GABRB1: variants seen among roughly 807,000 people sequenced by gnomAD.
GABRB1 encodes gamma-aminobutyric acid type A receptor subunit beta1.
GABRB1 carries 17 observed loss-of-function variants against 51.6 expected under a neutral mutation model. The ratio of observed to expected loss-of-function variants is 0.33; its 90% CI spans 0.23 to 0.49. The LOEUF (loss-of-function observed/expected upper bound fraction) is 0.49, where lower values mean the gene tolerates loss of function less well. Among genes scored for constraint, GABRB1 ranks in the 20% least tolerant of loss-of-function variants. The pLI is 0.99. For missense variants in GABRB1, 410 were observed against 600.6 expected, an observed-to-expected ratio of 0.68 and a Z score of 3.32; for synonymous variants, 247 against 218.9, an observed-to-expected ratio of 1.13 and a Z score of -1.14.
chr4:47,358,334 ATATATATGCATAT>A (rs1352087043), intron 5 of GABRB1, among the ~76,000 whole-genome samples: 1 of 151,840 alleles, frequency 6.6e-6, no homozygotes, highest in Non-Finnish European at 1.5e-5. Context: ...TATACATGCT[ATATATATGCATAT>A]TATATATGTG....
chr4:47,104,025 T>C (rs533232564), intron 3 of GABRB1, among the ~76,000 whole-genome samples: 241 of 152,016 alleles, frequency 1.6e-3, no homozygotes, highest in Non-Finnish European at 2.8e-3. Context: ...TCCAAGTTCC[T>C]GTCTGGTATC....
intron 5 of GABRB1, among the ~76,000 whole-genome samples, chr4:47,365,918 T>C (rs1228533817): frequency 6.6e-6 from 1 of 152,178 alleles, no homozygotes; most frequent in Non-Finnish European, 1.5e-5. Context: ...GTCCAGTTCT[T>C]ACCTTGTTGC....
At position 47,174,582 on chromosome 4, in the gene GABRB1, T is replaced by G. The variant is rs529861218; in HGVS notation, c.461+13113T>G. Among the ~76,000 whole-genome samples, 31 of 151,882 alleles carry G rather than the reference T, an allele frequency of 2.0e-4. No homozygotes were observed. In the South Asian group the frequency reaches 4.0e-3, roughly 19 times the overall value. The stretch of plus-strand genomic sequence containing the variant: ...TAGTCTGATCTCTTCAAAAATAGTT[T>G]AAAGATGGTCCCCAACTTATAATCA... On this transcript the variant is annotated intron_variant, in intron 4 of 8. Coordinates refer to ENST00000295454, the MANE Select transcript of GABRB1 (RefSeq NM_000812.4).
At chr4:47,055,443 G>A (rs1577865731) in intron 3 of GABRB1, among the ~76,000 whole-genome samples, 1 of 152,200 alleles carries the variant, frequency 6.6e-6, no homozygotes, top group Admixed American at 6.5e-5. Flanking sequence ...TTTTAGTGTA[G>A]AAGGCACTCA....
intron 4 of GABRB1, among the ~76,000 whole-genome samples, chr4:47,208,078 A>G (rs1415696878): frequency 1.3e-5 from 2 of 152,074 alleles, no homozygotes; most frequent in East Asian, 3.9e-4. Flanking sequence ...GGTGGAAACA[A>G]CCCAAGTATC....
At chr4:47,239,819 T>C (rs1460398440) in intron 4 of GABRB1, among the ~76,000 whole-genome samples, 1 of 152,220 alleles carries the variant, frequency 6.6e-6, no homozygotes, top group Non-Finnish European at 1.5e-5. Flanking sequence ...GGCAGCTTGG[T>C]TCCAGTCCTG....
At chr4:47,365,876 C>T (rs1029762665) in intron 5 of GABRB1, among the ~76,000 whole-genome samples, 1 of 152,102 alleles carries the variant, frequency 6.6e-6, no homozygotes, top group Admixed American at 6.5e-5. Flanking sequence ...TGACTGGCTC[C>T]CTAGCTGTTG....
chr4:47,251,120 T>C (rs762374573), intron 4 of GABRB1, among the ~76,000 whole-genome samples: 1 of 152,184 alleles, frequency 6.6e-6, no homozygotes, highest in Non-Finnish European at 1.5e-5. Context: ...TTATTCAGAT[T>C]CCTTTGTCCC....
At chr4:47,110,118 A>G (rs1021993012) in intron 3 of GABRB1, among the ~76,000 whole-genome samples, 22 of 152,164 alleles carry the variant, frequency 1.4e-4, no homozygotes, top group African/African-American at 5.3e-4. Flanking sequence ...TCTAGCTTGA[A>G]GTTAGCAGTT....
At chr4:47,395,721 T>C (rs1728157041) in intron 5 of GABRB1, among the ~76,000 whole-genome samples, 1 of 152,232 alleles carries the variant, frequency 6.6e-6, no homozygotes, top group Non-Finnish European at 1.5e-5. Context: ...ATTAAAAGTT[T>C]AGAGTGAAAA....
chr4:47,293,308 A>G (rs1321094306), intron 4 of GABRB1, among the ~76,000 whole-genome samples: 2 of 151,946 alleles, frequency 1.3e-5, no homozygotes, highest in Non-Finnish European at 2.9e-5. Flanking sequence ...TGCTTGGCTA[A>G]TTTTGTACTT....
At chr4:47,278,223 G>T (rs1306191251) in intron 4 of GABRB1, among the ~76,000 whole-genome samples, 2 of 152,072 alleles carry the variant, frequency 1.3e-5, no homozygotes, top group South Asian at 4.1e-4. Context: ...ACAATGACTG[G>T]CACGTAGTGA....
intron 8 of GABRB1, among the ~76,000 whole-genome samples, chr4:47,417,822 G>A (rs867364034): frequency 1.3e-5 from 2 of 152,122 alleles, no homozygotes; most frequent in East Asian, 1.9e-4. Flanking sequence ...GGTGTTCCTC[G>A]ACAGGGCTTT....
intron 3 of GABRB1, among the ~76,000 whole-genome samples, chr4:47,126,428 C>T (rs1031415410): frequency 1.3e-5 from 2 of 151,980 alleles, no homozygotes; most frequent in African/African-American, 4.8e-5. Context: ...TCACCACATG[C>T]CAAAAATATC....
intron 4 of GABRB1, among the ~76,000 whole-genome samples, chr4:47,300,657 G>T (rs1018727562): frequency 6.6e-6 from 1 of 152,010 alleles, no homozygotes; most frequent in East Asian, 1.9e-4. Flanking sequence ...TGGGTACATT[G>T]TAGGTGTATA....
intron 3 of GABRB1, among the ~76,000 whole-genome samples, chr4:47,108,554 A>G (rs1238807855): frequency 6.6e-6 from 1 of 152,070 alleles, no homozygotes; most frequent in Non-Finnish European, 1.5e-5. Context: ...CTCAGCACAA[A>G]GAGAAAGCTA....
rs546463552 is a variant in GABRB1, at chr4:47,130,995, T to A, written c.241-30254T>A. Reference sequence around the variant, plus strand: ...AAGTGGCATAAAACTAAAGCTGAAGTTTTGTTTATGGGTTTGCAAAACCAT... The same window carrying A: ...AAGTGGCATAAAACTAAAGCTGAAGATTTGTTTATGGGTTTGCAAAACCAT... On this transcript the variant is annotated intron_variant, in intron 3 of 8. Coordinates refer to ENST00000295454, the MANE Select transcript of GABRB1 (RefSeq NM_000812.4). 1.4e-4 allele frequency among the ~76,000 whole-genome samples: 22 copies of A among 152,232 alleles called. No individual in the cohort carries two copies. In the East Asian group the frequency reaches 4.2e-3, roughly 29 times the overall value.
chr4:47,274,864 G>T (rs1723021034), intron 4 of GABRB1, among the ~76,000 whole-genome samples: 1 of 152,172 alleles, frequency 6.6e-6, no homozygotes, highest in African/African-American at 2.4e-5. Context: ...GAGCTTAGGG[G>T]TCTTTCCTTG....
chr4:47,137,822 T>C (rs1204764943), intron 3 of GABRB1, among the ~76,000 whole-genome samples: 1 of 152,140 alleles, frequency 6.6e-6, no homozygotes, highest in Non-Finnish European at 1.5e-5. Context: ...CATTGAACTT[T>C]AGGGAACTTT....
Sources: gnomAD v4.1 joint callset for allele counts (sites outside exome capture counted in the v4.1 genomes callset) on GRCh38, gnomAD v4.1.1 for gene constraint, MANE v1.5 for transcripts, NCBI Gene and HGNC (gene_info 2026-07-23, HGNC 2026-07-21) for gene names.